EXOC6B: variants seen among roughly 807,000 people sequenced by gnomAD.
The protein encoded by EXOC6B is exocyst complex component 6B.
EXOC6B carries 54 observed loss-of-function variants against 113.5 expected under a neutral mutation model. The ratio of observed to expected loss-of-function variants is 0.48; its 90% CI spans 0.38 to 0.60. The LOEUF is 0.60. Ranked by LOEUF, EXOC6B falls within the 20% of genes least tolerant of loss-of-function variation. The pLI is 0.00. For synonymous variants in EXOC6B, 357 were observed against 339.0 expected (o/e 1.05, Z -0.58); for missense variants, 797 against 977.5 (o/e 0.82, Z 2.46).
In EXOC6B at chr2:72,365,992, A is replaced by G. The variant is rs530414146; in HGVS notation, c.2122+13737T>C. Among the ~76,000 whole-genome samples, 6 of 152,318 alleles carry G rather than the reference A, an allele frequency of 3.9e-5. 1 individual carries two copies. In the East Asian group the frequency reaches 1.2e-3, roughly 29 times the overall value. On this transcript the variant is annotated intron_variant, in intron 19 of 21. Coordinates refer to ENST00000272427, the MANE Select transcript of EXOC6B (RefSeq NM_015189.3). The stretch of plus-strand genomic sequence containing the variant: ...ACTAAAATCCATGTGCAAACAAAAT[A>G]TAATATTATTTAAAGGAATACAACA...
At chr2:72,811,712 G>A (rs1685935598) in intron 1 of EXOC6B, among the ~76,000 whole-genome samples, 1 of 152,126 alleles carries the variant, frequency 6.6e-6, no homozygotes, top group South Asian at 2.1e-4. Flanking sequence ...AAAAAGAAGT[G>A]TATACAATGA....
At chr2:72,646,270 A>G (rs1673704908) in intron 6 of EXOC6B, among the ~76,000 whole-genome samples, 1 of 151,626 alleles carries the variant, frequency 6.6e-6, no homozygotes, top group Non-Finnish European at 1.5e-5. Flanking sequence ...GAATAGACCA[A>G]TAACAGGCTC....
chr2:72,686,359 A>C (rs770523125), intron 6 of EXOC6B, among the ~76,000 whole-genome samples: 2 of 152,226 alleles, frequency 1.3e-5, no homozygotes, highest in Non-Finnish European at 2.9e-5. Context: ...TGAGTTAATA[A>C]GGTTTAACAT....
At chr2:72,389,606 C>A (rs1692247034) in intron 18 of EXOC6B, among the ~76,000 whole-genome samples, 1 of 151,958 alleles carries the variant, frequency 6.6e-6, no homozygotes, top group African/African-American at 2.4e-5. Context: ...AGCTTTTGAT[C>A]ATCTAAAAAA....
intron 1 of EXOC6B, among the ~76,000 whole-genome samples, chr2:72,768,226 T>C (rs1425426876): frequency 6.7e-6 from 1 of 149,388 alleles, no homozygotes; most frequent in African/African-American, 2.5e-5. Flanking sequence ...ACTGAAACAA[T>C]GATATTTTCA....
Position 72,586,825 on chromosome 2 carries a change from T to C in EXOC6B, c.670-11157A>G, listed in dbSNP as rs559750686. On this transcript the variant is annotated intron_variant, in intron 6 of 21. Coordinates refer to ENST00000272427, the MANE Select transcript of EXOC6B (RefSeq NM_015189.3). The stretch of plus-strand genomic sequence containing the variant: ...AATACGAAAAAATGCTCACCATTAC[T>C]AATCATCAAGGAAATGCAAATCAAA... Among the ~76,000 whole-genome samples the C allele has an allele frequency of 3.3e-5, 5 of 152,050 alleles. No homozygotes were observed. In the South Asian group the frequency reaches 1.0e-3, roughly 32 times the overall value.
intron 6 of EXOC6B, among the ~76,000 whole-genome samples, chr2:72,607,839 T>G (rs1311301102): frequency 6.6e-6 from 1 of 152,028 alleles, no homozygotes; most frequent in Non-Finnish European, 1.5e-5. Flanking sequence ...AGTACTGAAA[T>G]TTTCATAATC....
At chr2:72,228,065 T>G (rs535164198) in intron 20 of EXOC6B, among the ~76,000 whole-genome samples, 2 of 152,104 alleles carry the variant, frequency 1.3e-5, no homozygotes, top group East Asian at 1.9e-4. Flanking sequence ...TTAAAGTAGA[T>G]TGGAGTCAGG....
intron 1 of EXOC6B, among the ~76,000 whole-genome samples, chr2:72,800,711 A>G (rs1158480541): frequency 6.6e-6 from 1 of 152,182 alleles, no homozygotes; most frequent in Admixed American, 6.5e-5. Flanking sequence ...CCAGAAAGGG[A>G]ATTCAAGTAA....
intron 20 of EXOC6B, among the ~76,000 whole-genome samples, chr2:72,189,253 T>G (rs1418124447): frequency 1.3e-5 from 2 of 152,224 alleles, no homozygotes; most frequent in Non-Finnish European, 2.9e-5. Context: ...TATATGATAT[T>G]GATACTTTTG....
At chr2:72,658,939 G>A (rs1267807772) in intron 6 of EXOC6B, among the ~76,000 whole-genome samples, 1 of 151,912 alleles carries the variant, frequency 6.6e-6, no homozygotes, top group Non-Finnish European at 1.5e-5. Flanking sequence ...AGTAAAGCAC[G>A]AAATATAGTA....
At chr2:72,417,631 T>C (rs1327203474) in intron 18 of EXOC6B, among the ~76,000 whole-genome samples, 2 of 152,220 alleles carry the variant, frequency 1.3e-5, no homozygotes, top group Non-Finnish European at 2.9e-5. Context: ...TTTTAGATTA[T>C]AGTATTTTGC....
chr2:72,737,574 C>A (rs1311190962), intron 2 of EXOC6B, among the ~76,000 whole-genome samples: 2 of 152,128 alleles, frequency 1.3e-5, no homozygotes, highest in Non-Finnish European at 2.9e-5. Context: ...TTATTTCAGG[C>A]TGAGTGCAGT....
At chr2:72,787,183 G>C (rs995475527) in intron 1 of EXOC6B, among the ~76,000 whole-genome samples, 4 of 151,644 alleles carry the variant, frequency 2.6e-5, no homozygotes, top group African/African-American at 4.8e-5. Context: ...TCAATCCCCA[G>C]GGTTTTATTT....
At chr2:72,780,352 G>A (rs1339934079) in intron 1 of EXOC6B, among the ~76,000 whole-genome samples, 3 of 151,994 alleles carry the variant, frequency 2.0e-5, no homozygotes, top group Admixed American at 6.6e-5. Context: ...AGCAAAACAG[G>A]ACTAAAAGAA....
intron 19 of EXOC6B, among the ~76,000 whole-genome samples, chr2:72,378,415 G>A (rs761037230): frequency 1.3e-5 from 2 of 152,204 alleles, no homozygotes; most frequent in Non-Finnish European, 2.9e-5. Context: ...TGTTTAGACA[G>A]TGTCCCCAGA....
chr2:72,700,286 C>A (rs1678223074), intron 6 of EXOC6B, among the ~76,000 whole-genome samples: 1 of 115,124 alleles, frequency 8.7e-6, no homozygotes, highest in Non-Finnish European at 1.7e-5. Flanking sequence ...TTATCCGTGT[C>A]AACCACCAGA....
intron 18 of EXOC6B, among the ~76,000 whole-genome samples, chr2:72,417,036 T>A (rs956454451): frequency 1.3e-4 from 20 of 152,190 alleles, no homozygotes; most frequent in African/African-American, 4.3e-4. Context: ...CAATGTCATA[T>A]CTATTAGTTA....
At chr2:72,375,359 A>G (rs1444817446) in intron 19 of EXOC6B, among the ~76,000 whole-genome samples, 1 of 152,186 alleles carries the variant, frequency 6.6e-6, no homozygotes, top group Non-Finnish European at 1.5e-5. Flanking sequence ...AGCAGAAAAC[A>G]CATTCTTTCT....
Sources: gnomAD v4.1 joint callset for allele counts (sites outside exome capture counted in the v4.1 genomes callset) on GRCh38, gnomAD v4.1.1 for gene constraint, MANE v1.5 for transcripts, NCBI Gene and HGNC (gene_info 2026-07-23, HGNC 2026-07-21) for gene names.